The following IL1RL2 variants were observed in gnomAD, a reference collection of about 807,000 sequenced individuals.
IL1RL2 encodes the protein interleukin 1 receptor like 2, also known as interleukin-1 receptor-like 2.
IL1RL2 carries 68 observed loss-of-function variants against 66.8 expected under a neutral mutation model. The ratio of observed to expected loss-of-function variants is 1.02; its 90% CI spans 0.84 to 1.25. The LOEUF (loss-of-function observed/expected upper bound fraction) is 1.25. Among genes scored for constraint, IL1RL2 ranks in the 50% most tolerant of loss-of-function variants. The pLI is 0.00. For missense variants in IL1RL2, 729 were observed against 709.3 expected (o/e 1.03, Z -0.32); for synonymous variants, 305 against 264.6 (o/e 1.15, Z -1.48).
At chr2:102,203,004 C>T (rs1688400209) in intron 5 of IL1RL2, among the ~76,000 whole-genome samples, 1 of 152,180 alleles carries the variant, frequency 6.6e-6, no homozygotes, top group Non-Finnish European at 1.5e-5. Context: ...CAGTATGATA[C>T]TAGCTGTGGG....
chr2:102,193,073 C>T (rs1231959246), intron 4 of IL1RL2, among the ~76,000 whole-genome samples: 1 of 152,190 alleles, frequency 6.6e-6, no homozygotes, highest in Non-Finnish European at 1.5e-5. Context: ...CGTGCACACA[C>T]ACACACACTT....
chr2:102,211,682 A>G (rs1198291924), intron 5 of IL1RL2, among the ~76,000 whole-genome samples: 1 of 152,210 alleles, frequency 6.6e-6, no homozygotes, highest in African/African-American at 2.4e-5. Flanking sequence ...TTGCCATGGA[A>G]CAGGAACTGC....
At chr2:102,198,375 G>A (rs1687958778) in intron 4 of IL1RL2, among the ~76,000 whole-genome samples, 2 of 152,156 alleles carry the variant, frequency 1.3e-5, no homozygotes, top group African/African-American at 4.8e-5. Flanking sequence ...CAGAGGACAA[G>A]GTTTGGGTAT....
chr2:102,215,248 C>T (rs1473697939), intron 6 of IL1RL2, among the ~76,000 whole-genome samples: 1 of 152,108 alleles, frequency 6.6e-6, no homozygotes, highest in Non-Finnish European at 1.5e-5. Flanking sequence ...CCCCTATGAC[C>T]CATGCTGCTA....
At chr2:102,191,824 C>T (rs754887866) in intron 3 of IL1RL2, 101 bp from the exon 4 acceptor site, 83 of 799,860 alleles carry the variant, frequency 1.0e-4, no homozygotes, top group Non-Finnish European at 1.7e-4. Flanking sequence ...AGGGTTTGCA[C>T]AGTGCTGTGA....
At chr2:102,211,915 C>CTT (rs1370444618) in intron 5 of IL1RL2, among the ~76,000 whole-genome samples, 185 bp from the exon 6 acceptor site, 1 of 138,354 alleles carries the variant, frequency 7.2e-6, no homozygotes, top group East Asian at 2.3e-4. Flanking sequence ...CAGCTTCTAG[C>CTT]TTATTTTTTT....
chr2:102,216,874 A>G (rs1689659905), intron 6 of IL1RL2, among the ~76,000 whole-genome samples: 1 of 152,132 alleles, frequency 6.6e-6, no homozygotes, highest in Non-Finnish European at 1.5e-5. Flanking sequence ...TCCCCCTAAC[A>G]GTTTATACTT....
rs369032317 is a variant in IL1RL2 at position 102,225,273 on chromosome 2, A to T, written c.992-625A>T. Among the ~76,000 whole-genome samples the T allele has an allele frequency of 1.2e-4, 18 of 152,332 alleles. No individual in the cohort carries two copies. In the East Asian group the frequency reaches 2.3e-3, roughly 20 times the overall value. On this transcript the variant is annotated intron_variant, in intron 8 of 11. Coordinates refer to ENST00000264257, the MANE Select transcript of IL1RL2 (RefSeq NM_003854.4). Reference sequence around the variant, plus strand: ...TCATGAAACAGGCTAGGGTGTAAACATTCTTTCTGAGACTGTGCCTCTCGC... The same window carrying T: ...TCATGAAACAGGCTAGGGTGTAAACTTTCTTTCTGAGACTGTGCCTCTCGC...
At chr2:102,224,460 G>A (rs34088260) in intron 8 of IL1RL2, among the ~76,000 whole-genome samples, 42,654 of 152,038 alleles carry the variant, frequency 0.28, 6,614 homozygotes, top group East Asian at 0.39. Context: ...AGTGAAATAA[G>A]CCAGGCACAG....
downstream of IL1RL2, among the ~76,000 whole-genome samples, chr2:102,241,465 A>G (rs891412922): frequency 3.9e-5 from 6 of 152,222 alleles, no homozygotes; most frequent in African/African-American, 1.2e-4. Context: ...CTCTGTAAAA[A>G]AGGGATAATA....
At chr2:102,220,195 T>G (rs1416957786) in intron 8 of IL1RL2, among the ~76,000 whole-genome samples, 178 bp downstream of exon 8, 1 of 152,134 alleles carries the variant, frequency 6.6e-6, no homozygotes, top group East Asian at 1.9e-4. Flanking sequence ...GTTGTTGGAG[T>G]GAGGCTGTGA....
chr2:102,221,863 C>A (rs1242701428), intron 8 of IL1RL2, among the ~76,000 whole-genome samples: 1 of 152,168 alleles, frequency 6.6e-6, no homozygotes, highest in Non-Finnish European at 1.5e-5. Context: ...GAATATAATG[C>A]ATATATGTGT....
At chr2:102,224,088 G>A (rs953114728) in intron 8 of IL1RL2, among the ~76,000 whole-genome samples, 8 of 152,176 alleles carry the variant, frequency 5.3e-5, no homozygotes, top group African/African-American at 1.7e-4. Flanking sequence ...TTTACAACAC[G>A]GCGTGGCCTA....
At chr2:102,191,160 C>G (rs1035522528) in intron 3 of IL1RL2, among the ~76,000 whole-genome samples, 1 of 152,032 alleles carries the variant, frequency 6.6e-6, no homozygotes, top group African/African-American at 2.4e-5. Context: ...TTTTTTAAAC[C>G]ATTTCAGTTG....
chr2:102,188,008 C>G, intron 2 of IL1RL2, 83 bp downstream of exon 2: 1 of 1,397,954 alleles, frequency 7.2e-7, no homozygotes, highest in Non-Finnish European at 1.0e-6. Context: ...CCGGGGATCG[C>G]GTCAGCCCGA....
intron 5 of IL1RL2, among the ~76,000 whole-genome samples, chr2:102,206,087 TA>T (rs930530642): frequency 9.9e-5 from 15 of 152,094 alleles, no homozygotes; most frequent in African/African-American, 3.4e-4. Context: ...CTGCTTGATT[TA>T]AAAAATCTTA....
Position 102,232,960 on chromosome 2 carries a change from C to G in IL1RL2, c.1136-3C>G. 6.2e-7 allele frequency: 1 copy of G among 1,602,940 alleles called. No individual in the cohort carries two copies. ...TCCACAAGCTTGTCCAATTCCTTTT[C>G]AGATGGGAAGCTGTATGACGCCTAT... On this transcript the variant is annotated splice_polypyrimidine_tract_variant and splice_region_variant and intron_variant, in intron 9 of 11. Coordinates refer to ENST00000264257, the MANE Select transcript of IL1RL2 (RefSeq NM_003854.4).
chr2:102,195,372 T>A (rs1426095268), intron 4 of IL1RL2, among the ~76,000 whole-genome samples: 1 of 152,146 alleles, frequency 6.6e-6, no homozygotes, highest in Non-Finnish European at 1.5e-5. Context: ...GTTTCATTGT[T>A]TTTCTTTTTC....
chr2:102,213,513 T>C (rs1689357020), intron 6 of IL1RL2, among the ~76,000 whole-genome samples: 1 of 152,132 alleles, frequency 6.6e-6, no homozygotes. Flanking sequence ...ATTATTTGTC[T>C]ATTAAAACTA....
Sources: gnomAD v4.1 joint callset for allele counts (sites outside exome capture counted in the v4.1 genomes callset) on GRCh38, gnomAD v4.1.1 for gene constraint, MANE v1.5 for transcripts, NCBI Gene and HGNC (gene_info 2026-07-23, HGNC 2026-07-21) for gene names.